Variants in CSMD1 observed in about 807,000 individuals in gnomAD.
CSMD1 encodes the protein CUB and Sushi multiple domains 1, also known as CUB and sushi domain-containing protein 1.
CSMD1 carries 213 observed loss-of-function variants against 417.5 expected under a neutral mutation model. That is an observed-to-expected ratio of 0.51 (90% CI 0.46 to 0.57). CSMD1 has a LOEUF of 0.57. Ranked by LOEUF, CSMD1 falls within the 20% of genes least tolerant of loss-of-function variation. The pLI is 0.00. For missense variants in CSMD1, 6,923 were observed against 4,529.7 expected (o/e 1.53, Z -15.17); for synonymous variants, 2,862 against 1,736.8 (o/e 1.65, Z -16.11).
At chr8:4,567,261 C>G (rs1798657741) in intron 2 of CSMD1, among the ~76,000 whole-genome samples, 1 of 152,036 alleles carries the variant, frequency 6.6e-6, no homozygotes, top group African/African-American at 2.4e-5. Context: ...TCATTCACTA[C>G]AATTGTAACG....
At chr8:4,459,324 G>A (rs1799670358) in intron 2 of CSMD1, among the ~76,000 whole-genome samples, 1 of 152,180 alleles carries the variant, frequency 6.6e-6, no homozygotes, top group Non-Finnish European at 1.5e-5. Flanking sequence ...TATGCCACCA[G>A]GAGCAAACCA....
At chr8:3,129,980 C>CA (rs1349668883) in intron 41 of CSMD1, among the ~76,000 whole-genome samples, 143 of 143,700 alleles carry the variant, frequency 1.0e-3, no homozygotes, top group African/African-American at 2.8e-3. Flanking sequence ...GACTCTGTCC[C>CA]AAAAAAAAAA....
intron 3 of CSMD1, among the ~76,000 whole-genome samples, chr8:4,142,302 G>T (rs1369750927): frequency 1.3e-5 from 2 of 151,010 alleles, no homozygotes; most frequent in Non-Finnish European, 2.9e-5. Flanking sequence ...TGCTCCCAAA[G>T]ATTTGCTATC....
chr8:3,506,089 C>G (rs1585269985), intron 10 of CSMD1, among the ~76,000 whole-genome samples: 1 of 152,130 alleles, frequency 6.6e-6, no homozygotes, highest in Non-Finnish European at 1.5e-5. Context: ...GGGCTGTGTT[C>G]TCATAAGGAG....
chr8:4,537,875 T>A (rs957777197), intron 2 of CSMD1, among the ~76,000 whole-genome samples: 3 of 152,174 alleles, frequency 2.0e-5, no homozygotes, highest in Admixed American at 6.5e-5. Flanking sequence ...CACATAGGAT[T>A]TAGAATGCTT....
rs570757921 is a variant in CSMD1, at chr8:4,292,402, G to A, written c.415+127551C>T. Among the ~76,000 whole-genome samples, 12 of 151,986 alleles carry A rather than the reference G, an allele frequency of 7.9e-5. No individual in the cohort carries two copies. The East Asian group carries it at 1.4e-3, about 17-fold the overall frequency. On this transcript the variant is annotated intron_variant, in intron 3 of 69. Coordinates refer to ENST00000635120, the MANE Select transcript of CSMD1 (RefSeq NM_033225.6). ...AGAGTACCTGGGACTACAGGTGCCC[G>A]CCACCACGCCCGGCTAATTTTTTGT...
At chr8:4,895,693 AT>A (rs201751414) in intron 1 of CSMD1, among the ~76,000 whole-genome samples, 240 of 145,290 alleles carry the variant, frequency 1.7e-3, no homozygotes, top group Middle Eastern at 7.1e-3. Flanking sequence ...ACCTTCCCTG[AT>A]TTTTTTTTTT....
intron 1 of CSMD1, among the ~76,000 whole-genome samples, chr8:4,953,977 CGA>C (rs1808914007): frequency 6.6e-6 from 1 of 152,068 alleles, no homozygotes; most frequent in African/African-American, 2.4e-5. Context: ...GAAATACTAC[CGA>C]GATTACCAGA....
At chr8:4,439,705 T>A (rs1024971510) in intron 2 of CSMD1, among the ~76,000 whole-genome samples, 3 of 152,156 alleles carry the variant, frequency 2.0e-5, no homozygotes, top group African/African-American at 7.2e-5. Flanking sequence ...GGGTTTAAAT[T>A]TAGTTAGGTT....
chr8:4,359,753 C>T (rs1393192248), intron 3 of CSMD1, among the ~76,000 whole-genome samples: 1 of 152,182 alleles, frequency 6.6e-6, no homozygotes, highest in Non-Finnish European at 1.5e-5. Flanking sequence ...TACATTCATT[C>T]CAAGGGTCCA....
chr8:3,162,139 A>G lies in CSMD1; in HGVS notation c.5844+20T>C. ...GATGACCATGTGTATGTTATTCCTGAGCACTGAGAAGAAGGATACCTGCAG... is the reference window on the plus strand; with the variant it reads ...GATGACCATGTGTATGTTATTCCTGGGCACTGAGAAGAAGGATACCTGCAG... On this transcript the variant is annotated intron_variant, in intron 38 of 69. Transcript: ENST00000635120. 1 of 1,468,662 alleles carries G rather than the reference A, an allele frequency of 6.8e-7. No homozygotes were observed. The highest frequency in any genetic ancestry group is 2.3e-5 in the East Asian group (1 of 42,846). 91.0% of individuals were successfully genotyped at this position (1,468,662 alleles called of 1,614,324 possible).
At chr8:3,765,270 C>G (rs1160847562) in intron 5 of CSMD1, among the ~76,000 whole-genome samples, 2 of 152,146 alleles carry the variant, frequency 1.3e-5, no homozygotes, top group Non-Finnish European at 2.9e-5. Flanking sequence ...TGCAGTCAAT[C>G]TATGCTAGCC....
chr8:2,996,405 C>G (rs1251636360), intron 54 of CSMD1, among the ~76,000 whole-genome samples: 1 of 152,178 alleles, frequency 6.6e-6, no homozygotes, highest in African/African-American at 2.4e-5. Context: ...TAGATTTTCA[C>G]TGAGATAATG....
intron 1 of CSMD1, among the ~76,000 whole-genome samples, chr8:4,948,991 G>A (rs1421657898): frequency 1.3e-5 from 2 of 152,116 alleles, no homozygotes; most frequent in African/African-American, 4.8e-5. Context: ...CTTTAAGGAA[G>A]CCTCCTTCTG....
chr8:2,969,011 C>G (rs647834), intron 57 of CSMD1, among the ~76,000 whole-genome samples: 64,179 of 151,942 alleles, frequency 0.42, 15,765 homozygotes, highest in African/African-American at 0.69. Context: ...TGCTACATGA[C>G]AAAAATTGCT....
Position 4,994,607 on chromosome 8 carries a change from C to G in CSMD1, c.-191G>C. 3 of 599,534 alleles carry G rather than the reference C, an allele frequency of 5.0e-6. No homozygotes were observed. Among genetic ancestry groups the G allele is most frequent in the South Asian group, 1.9e-5 (1 of 52,004 alleles). The allele number at this position is 599,534 out of a possible 1,614,324, so 37.1% of individuals were successfully genotyped here. On this transcript the variant is annotated 5_prime_UTR_variant, in exon 1 of 70. Transcript: ENST00000635120. ...CGCTTCCCTCTCATAGCATCGGGTC[C>G]CGAGCCACTGCAGGGCTGAGCTGCT...
intron 22 of CSMD1, among the ~76,000 whole-genome samples, chr8:3,347,736 A>C (rs1225325874): frequency 1.3e-5 from 2 of 152,228 alleles, no homozygotes; most frequent in African/African-American, 2.4e-5. Context: ...AAAGTGTTAA[A>C]TAACTTTCAT....
At chr8:3,562,701 A>T (rs1799521567) in intron 10 of CSMD1, among the ~76,000 whole-genome samples, 1 of 152,316 alleles carries the variant, frequency 6.6e-6, no homozygotes, top group Admixed American at 6.5e-5. Context: ...ATAATGAAAA[A>T]AAATCACAAA....
At chr8:4,735,202 C>T (rs985875720) in intron 1 of CSMD1, among the ~76,000 whole-genome samples, 4 of 152,176 alleles carry the variant, frequency 2.6e-5, no homozygotes, top group African/African-American at 4.8e-5. Context: ...CTTTCAGAAC[C>T]TTTATTGCTA....
Sources: allele counts gnomAD v4.1 joint callset (sites outside exome capture counted in the v4.1 genomes callset), GRCh38; gene constraint gnomAD v4.1.1; transcripts MANE v1.5; gene names NCBI Gene and HGNC (gene_info 2026-07-23, HGNC 2026-07-21).